Variants in RXFP1 observed in about 807,000 individuals in gnomAD.
RXFP1 encodes relaxin receptor 1.
Under a neutral mutation model 89.8 loss-of-function variants are expected in RXFP1, and 73 were observed. The observed-to-expected ratio is 0.81, with a 90% confidence interval of 0.67 to 0.99. RXFP1 has a LOEUF of 0.99. Ranked by LOEUF, RXFP1 falls within the 50% of genes least tolerant of loss-of-function variation. The probability of loss-of-function intolerance (pLI) is 0.00; values close to 1 mark genes in which losing one functional copy is unlikely to be tolerated. For synonymous variants in RXFP1, 277 were observed against 305.5 expected, an observed-to-expected ratio of 0.91 and a Z score of 0.97; for missense variants, 793 against 895.5, an observed-to-expected ratio of 0.89 and a Z score of 1.46.
intron 2 of RXFP1, among the ~76,000 whole-genome samples, chr4:158,581,485 G>A (rs1040904079): frequency 2.4e-4 from 36 of 152,288 alleles, no homozygotes; most frequent in African/African-American, 7.0e-4. Flanking sequence ...ATTCTATGAA[G>A]TCTTCCCTTT....
At chr4:158,588,990 G>A (rs1203874215) in intron 2 of RXFP1, among the ~76,000 whole-genome samples, 1 of 152,164 alleles carries the variant, frequency 6.6e-6, no homozygotes, top group African/African-American at 2.4e-5. Flanking sequence ...AAATACACGA[G>A]ACTGAGTGAT....
rs550258659 is a variant in RXFP1, at chr4:158,575,411, ATG to A, written c.187+2578_187+2579del. ...GTTGTTAACAGGATTCCATGAGATA[ATG>A]TATCCGAGATGCTTAGCAGAGTACA... On this transcript the variant is annotated intron_variant, in intron 2 of 17. Coordinates refer to ENST00000307765, the MANE Select transcript of RXFP1 (RefSeq NM_021634.4). 2.2e-4 allele frequency among the ~76,000 whole-genome samples: 34 copies of A among 152,296 alleles called. No individual in the cohort carries two copies. The South Asian group carries it at 7.0e-3, about 32-fold the overall frequency.
chr4:158,619,872 G>A (rs1260603688), intron 9 of RXFP1, among the ~76,000 whole-genome samples: 2 of 152,112 alleles, frequency 1.3e-5, no homozygotes, highest in African/African-American at 2.4e-5. Context: ...CAAAGCAGTG[G>A]GTAGTGCCCA....
chr4:158,652,149 T>C lies in RXFP1; in HGVS notation c.*94T>C. On this transcript the variant is annotated 3_prime_UTR_variant, in exon 18 of 18. Coordinates refer to ENST00000307765, the MANE Select transcript of RXFP1 (RefSeq NM_021634.4). Reference sequence around the variant, plus strand: ...AAATGAATACCACAAAATTAATTTATAATAATAGCTAAGATAAATATTTTA... The same window carrying C: ...AAATGAATACCACAAAATTAATTTACAATAATAGCTAAGATAAATATTTTA... 1 of 974,200 alleles carries C rather than the reference T, an allele frequency of 1.0e-6. No homozygotes were observed. Among genetic ancestry groups the C allele is most frequent in the Non-Finnish European group, 1.5e-6 (1 of 680,390 alleles). 60.3% of individuals were successfully genotyped at this position (974,200 alleles called of 1,614,324 possible). A position where few individuals can be genotyped will look rare whatever the true frequency, so the allele number is the denominator to read the frequency against.
chr4:158,638,811 C>CA (rs57989269), intron 13 of RXFP1, among the ~76,000 whole-genome samples: 115,846 of 128,054 alleles, frequency 0.9, 52,944 homozygotes, highest in South Asian at 0.99. Context: ...GACCCTGTCT[C>CA]AAAAAAAAAA....
At chr4:158,615,619 T>C (rs571897835) in intron 8 of RXFP1, among the ~76,000 whole-genome samples, 2 of 152,180 alleles carry the variant, frequency 1.3e-5, no homozygotes, top group East Asian at 3.9e-4. Flanking sequence ...CAAAGATCAC[T>C]GATCACAGAT....
At chr4:158,583,879 C>A (rs923580685) in intron 2 of RXFP1, among the ~76,000 whole-genome samples, 1 of 152,148 alleles carries the variant, frequency 6.6e-6, no homozygotes, top group African/African-American at 2.4e-5. Context: ...TAAACAGTTG[C>A]CTCCAAAAGG....
chr4:158,619,713 A>G (rs1222435741), intron 9 of RXFP1, among the ~76,000 whole-genome samples: 2 of 152,074 alleles, frequency 1.3e-5, no homozygotes, highest in African/African-American at 4.8e-5. Context: ...CAAAAGCATC[A>G]AGCCTTTGGG....
At chr4:158,610,509 G>A in intron 6 of RXFP1, 2 of 406,232 alleles carry the variant, frequency 4.9e-6, no homozygotes, top group South Asian at 3.8e-5. Flanking sequence ...ATCTAAGATG[G>A]GAAAACAATG....
At chr4:158,600,133 C>T (rs1203061983) in intron 4 of RXFP1, among the ~76,000 whole-genome samples, 2 of 152,026 alleles carry the variant, frequency 1.3e-5, no homozygotes, top group Non-Finnish European at 2.9e-5. Context: ...TATTTTAATC[C>T]AATATTTTTG....
At chr4:158,638,543 C>G (rs1220240208) in intron 13 of RXFP1, among the ~76,000 whole-genome samples, 1 of 152,158 alleles carries the variant, frequency 6.6e-6, no homozygotes, top group Non-Finnish European at 1.5e-5. Flanking sequence ...TGCAGTGGTT[C>G]ACACCTGTAA....
chr4:158,639,377 T>C (rs766138395), intron 14 of RXFP1, 46 bp downstream of exon 14: 1 of 1,079,558 alleles, frequency 9.3e-7, no homozygotes, highest in South Asian at 1.3e-5. Flanking sequence ...TAATATTTGT[T>C]TCCATGTGTA....
At chr4:158,586,768 G>T (rs1758381744) in intron 2 of RXFP1, among the ~76,000 whole-genome samples, 1 of 152,064 alleles carries the variant, frequency 6.6e-6, no homozygotes, top group Non-Finnish European at 1.5e-5. Context: ...AAAAGTAAAA[G>T]CTTATTACTA....
At chr4:158,627,296 A>G (rs1767047642) in intron 10 of RXFP1, among the ~76,000 whole-genome samples, 1 of 149,938 alleles carries the variant, frequency 6.7e-6, no homozygotes, top group South Asian at 2.1e-4. Flanking sequence ...TTCCTTCAGT[A>G]AAAAAAAATC....
intron 1 of RXFP1, among the ~76,000 whole-genome samples, chr4:158,543,165 T>C (rs1181661320): frequency 6.6e-6 from 1 of 152,128 alleles, no homozygotes; most frequent in African/African-American, 2.4e-5. Flanking sequence ...TTGCTGGCAT[T>C]GCGGCAGCTA....
chr4:158,628,857 A>T, intron 11 of RXFP1, 148 bp downstream of exon 11: 2 of 417,364 alleles, frequency 4.8e-6, no homozygotes, highest in Non-Finnish European at 8.7e-6. Flanking sequence ...GCCACAAAGG[A>T]ATTCAGATGG....
rs1553989424 is a variant in RXFP1, at chr4:158,527,564, A to AATAT, written c.49+5550_49+5553dup. Among the ~76,000 whole-genome samples the AATAT allele has an allele frequency of 8.5e-3, 838 of 98,332 alleles. 17 individuals are homozygous for AATAT. Among genetic ancestry groups the AATAT allele is most frequent in the African/African-American group, 0.028 (795 of 28,542 alleles). 64.5% of individuals were successfully genotyped at this position (98,332 alleles called of 152,430 possible). A position where few individuals can be genotyped will look rare whatever the true frequency, so the allele number is the denominator to read the frequency against. ...ATCTCCCCCGCTCCAAAAAAAAAAAAATATATATATATATGTATATATATA... is the reference window on the plus strand; with the variant it reads ...ATCTCCCCCGCTCCAAAAAAAAAAAAATATATATATATATATATGTATATATATA... On this transcript the variant is annotated intron_variant, in intron 1 of 17. Transcript: ENST00000307765.
In RXFP1 at chr4:158,571,043, C is replaced by T. The variant is rs182640553; in HGVS notation, c.50-1655C>T. Among the ~76,000 whole-genome samples the T allele has an allele frequency of 2.6e-4, 40 of 152,268 alleles. No homozygotes were observed. In the East Asian group the frequency reaches 6.9e-3, roughly 26 times the overall value. ...CAGCTTAAATGACACCATTTTACAG[C>T]GGCCTCCCTCTAACTACCCCTTGTA... On this transcript the variant is annotated intron_variant, in intron 1 of 17. Transcript: ENST00000307765.
intron 2 of RXFP1, 62 bp downstream of exon 2, chr4:158,572,897 G>T (rs1460558324): frequency 6.3e-7 from 1 of 1,575,090 alleles, no homozygotes; most frequent in Non-Finnish European, 8.6e-7. Flanking sequence ...AGGTGAAGTC[G>T]CTGAGACTTC....
Sources: gnomAD v4.1 joint callset for allele counts (sites outside exome capture counted in the v4.1 genomes callset) on GRCh38, gnomAD v4.1.1 for gene constraint, MANE v1.5 for transcripts, NCBI Gene and HGNC (gene_info 2026-07-23, HGNC 2026-07-21) for gene names.